PATJ: variants seen among roughly 807,000 people sequenced by gnomAD.
PATJ encodes PATJ crumbs cell polarity complex component.
Under a neutral mutation model 224.9 loss-of-function variants are expected in PATJ, and 190 were observed. That is an observed-to-expected ratio of 0.84 (90% CI 0.75 to 0.95). PATJ has a LOEUF of 0.95. Ranked by LOEUF, PATJ falls within the 40% of genes least tolerant of loss-of-function variation. The probability of loss-of-function intolerance (pLI) is 0.00; values close to 1 mark genes in which losing one functional copy is unlikely to be tolerated. For synonymous variants in PATJ, 769 were observed against 820.3 expected, an observed-to-expected ratio of 0.94 and a Z score of 1.07; for missense variants, 2,121 against 2,270.3, an observed-to-expected ratio of 0.93 and a Z score of 1.34.
chr1:62,151,647 CTAGT>C (rs1257235832), intron 42 of PATJ, among the ~76,000 whole-genome samples: 9 of 152,140 alleles, frequency 5.9e-5, no homozygotes, highest in Non-Finnish European at 8.8e-5. Flanking sequence ...GAAGAATATT[CTAGT>C]TAAATAGAAC....
At chr1:62,090,840 T>G (rs1374932022) in intron 33 of PATJ, among the ~76,000 whole-genome samples, 1 of 152,188 alleles carries the variant, frequency 6.6e-6, no homozygotes, top group African/African-American at 2.4e-5. Context: ...TGTCCTTCAA[T>G]GTCCACTTCT....
chr1:61,954,517 C>G (rs1225742061), intron 27 of PATJ, among the ~76,000 whole-genome samples: 1 of 151,828 alleles, frequency 6.6e-6, no homozygotes, highest in African/African-American at 2.4e-5. Context: ...TTTAATTGAT[C>G]CAATGTTGAA....
intron 31 of PATJ, among the ~76,000 whole-genome samples, chr1:62,061,061 G>A (rs973650540): frequency 2.0e-5 from 3 of 151,980 alleles, no homozygotes; most frequent in African/African-American, 7.3e-5. Context: ...GTGTGATGCT[G>A]AGGTTTGGGA....
At chr1:62,048,592 A>T (rs1468567498) in intron 30 of PATJ, among the ~76,000 whole-genome samples, 1 of 150,970 alleles carries the variant, frequency 6.6e-6, no homozygotes, top group African/African-American at 2.4e-5. Flanking sequence ...AAAAGAAAAT[A>T]GTAAATTATA....
chr1:61,785,104 G>C (rs920037986), intron 7 of PATJ, among the ~76,000 whole-genome samples: 5 of 152,226 alleles, frequency 3.3e-5, no homozygotes, highest in Admixed American at 6.5e-5. Context: ...TCAGTCTAAG[G>C]GTTTTTTAAA....
chr1:62,104,827 A>G (rs1386052112), intron 33 of PATJ, among the ~76,000 whole-genome samples: 1 of 152,044 alleles, frequency 6.6e-6, no homozygotes, highest in Non-Finnish European at 1.5e-5. Flanking sequence ...ACGTGCCACC[A>G]TGCCTGGCTA....
chr1:62,100,746 G>A (rs1261522925), intron 33 of PATJ, among the ~76,000 whole-genome samples: 1 of 152,098 alleles, frequency 6.6e-6, no homozygotes, highest in Non-Finnish European at 1.5e-5. Flanking sequence ...CTCTGGACTT[G>A]GCACCAGAAT....
At chr1:61,851,302 A>G (rs1022840032) in intron 17 of PATJ, among the ~76,000 whole-genome samples, 1 of 152,160 alleles carries the variant, frequency 6.6e-6, no homozygotes, top group Non-Finnish European at 1.5e-5. Context: ...GGGATATCAC[A>G]GAGTAGGAAG....
intron 33 of PATJ, among the ~76,000 whole-genome samples, chr1:62,106,242 G>A (rs1414946827): frequency 7.4e-6 from 1 of 135,908 alleles, no homozygotes; most frequent in African/African-American, 2.7e-5. Flanking sequence ...GGCCAAGGCA[G>A]GAGGATTGCT....
intron 31 of PATJ, among the ~76,000 whole-genome samples, chr1:62,052,706 T>C (rs962684787): frequency 2.6e-5 from 4 of 151,372 alleles, no homozygotes; most frequent in African/African-American, 4.9e-5. Context: ...GATCACGCCA[T>C]TGCACTCCAG....
chr1:62,026,687 C>T (rs1648014890), intron 29 of PATJ, among the ~76,000 whole-genome samples: 1 of 152,154 alleles, frequency 6.6e-6, no homozygotes, highest in Non-Finnish European at 1.5e-5. Flanking sequence ...AAGGACGTTT[C>T]CAAGAGGCAG....
chr1:61,922,045 A>T (rs548424160), intron 26 of PATJ, among the ~76,000 whole-genome samples: 1 of 151,834 alleles, frequency 6.6e-6, no homozygotes, highest in East Asian at 1.9e-4. Context: ...TATTTTTATT[A>T]TTTTTATTTT....
chr1:61,992,992 T>C (rs1277543165), intron 28 of PATJ, among the ~76,000 whole-genome samples: 1 of 152,176 alleles, frequency 6.6e-6, no homozygotes, highest in African/African-American at 2.4e-5. Flanking sequence ...CTGACACCAA[T>C]TGAGTATCCT....
At chr1:61,874,910 CTGTG>C (rs908937088) in intron 20 of PATJ, among the ~76,000 whole-genome samples, 1 of 152,182 alleles carries the variant, frequency 6.6e-6, no homozygotes, top group Non-Finnish European at 1.5e-5. Context: ...ATCCAGGAGG[CTGTG>C]TGTATCAGCA....
intron 29 of PATJ, among the ~76,000 whole-genome samples, chr1:62,021,018 A>G (rs1647049145): frequency 6.6e-6 from 1 of 151,834 alleles, no homozygotes; most frequent in African/African-American, 2.4e-5. Flanking sequence ...TAGTAGAGAC[A>G]GGGTTTCACT....
rs144258512 is a variant in PATJ at position 61,807,896 on chromosome 1, C to T, written c.1627-578C>T. ...CTTCTGTGGATGTCCACCATTGAAG[C>T]TTAGAACAATAGTTTTAGGCCAGGA... On this transcript the variant is annotated intron_variant, in intron 13 of 43. Coordinates refer to ENST00000642238, the MANE Select transcript of PATJ (RefSeq NM_001350145.3). Among the ~76,000 whole-genome samples, 74 of 152,296 alleles carry T rather than the reference C, an allele frequency of 4.9e-4. No individual in the cohort carries two copies. The East Asian group carries it at 0.013, about 27-fold the overall frequency.
chr1:61,957,390 A>G (rs1478894246), intron 27 of PATJ, among the ~76,000 whole-genome samples: 1 of 152,228 alleles, frequency 6.6e-6, no homozygotes, highest in Non-Finnish European at 1.5e-5. Context: ...ATTTTTCTAT[A>G]ATCATAAAGG....
intron 27 of PATJ, among the ~76,000 whole-genome samples, chr1:61,973,289 A>G (rs939436072): frequency 6.6e-6 from 1 of 152,008 alleles, no homozygotes; most frequent in Non-Finnish European, 1.5e-5. Context: ...ATACCGTCCA[A>G]TCTCAGCTGG....
intron 27 of PATJ, among the ~76,000 whole-genome samples, chr1:61,962,045 C>T (rs909713913): frequency 6.6e-6 from 1 of 151,616 alleles, no homozygotes; most frequent in Non-Finnish European, 1.5e-5. Context: ...TGTGTTGACA[C>T]TCAAACAATA....
Sources: gnomAD v4.1 joint callset for allele counts (sites outside exome capture counted in the v4.1 genomes callset) on GRCh38, gnomAD v4.1.1 for gene constraint, MANE v1.5 for transcripts, NCBI Gene and HGNC (gene_info 2026-07-23, HGNC 2026-07-21) for gene names.